Variants in TRMT44 observed in about 807,000 individuals in gnomAD.
TRMT44 encodes tRNA methyltransferase 44 homolog.
Under a neutral mutation model 77.3 loss-of-function variants are expected in TRMT44, and 78 were observed. The observed-to-expected ratio is 1.01, with a 90% CI of 0.84 to 1.22. TRMT44 has a LOEUF of 1.22. TRMT44 is among the 50% of genes most tolerant of loss of function. The pLI is 0.00. For missense variants in TRMT44, 1,090 were observed against 964.4 expected, an observed-to-expected ratio of 1.13 and a Z score of -1.73; for synonymous variants, 391 against 383.3, an observed-to-expected ratio of 1.02 and a Z score of -0.23.
At chr4:8,441,548 A>T (rs1004162775) in intron 1 of TRMT44, 107 bp downstream of exon 1, 3 of 1,325,194 alleles carry the variant, frequency 2.3e-6, no homozygotes, top group Non-Finnish European at 3.0e-6. Context: ...GCGATGTCCT[A>T]GGGAGGTTGT....
rs749970552 is a variant in TRMT44, at chr4:8,468,012, T to C, written c.1593T>C (p.Pro531=). Reference sequence around the variant, plus strand: ...ACATTAAGAGCAGGCGGGGCTGCCCTGTAAGCCCACCTGGCTGGGAGCTTT... The same window carrying C: ...ACATTAAGAGCAGGCGGGGCTGCCCCGTAAGCCCACCTGGCTGGGAGCTTT... ...TQYIKSRRGC[P]VSPPGWELSP... The change falls in exon 9 of 11, where the codon CCT becomes CCC. Residue 531 remains proline, a synonymous_variant. Transcript: ENST00000389737. The C allele has an allele frequency of 1.1e-5, 17 of 1,613,952 alleles. No homozygotes were observed. In the Admixed American group the frequency reaches 1.8e-4, roughly 17 times the overall value.
chr4:8,471,100 A>G lies in TRMT44; in HGVS notation c.1944A>G (p.Ala648=), dbSNP rs754425944. The G allele has an allele frequency of 1.9e-6, 3 of 1,598,696 alleles. No individual in the cohort carries two copies. In the South Asian group the frequency reaches 3.4e-5, roughly 18 times the overall value. ...TWNGGESLSL[A]EVANELDTET... ...TTTCCACAGAGAGCCTATCTCTGGC[A>G]GAAGTAGCCAACGAGCTGGACACGG... Residue 648 remains alanine, a synonymous_variant, in exon 10 of 11, where the codon GCA becomes GCG. Coordinates refer to ENST00000389737, the MANE Select transcript of TRMT44 (RefSeq NM_152544.3).
At chr4:8,478,506 C>T (rs1727501496), downstream of TRMT44, 1 of 152,574 alleles carries the variant, frequency 6.6e-6, no homozygotes, top group Non-Finnish European at 1.5e-5. Context: ...AGCACTGTGC[C>T]CCTGTCCACA....
At chr4:8,487,683 A>G (rs1727859076) in intron 2 of TRMT44, among the ~76,000 whole-genome samples, 1 of 151,976 alleles carries the variant, frequency 6.6e-6, no homozygotes, top group Non-Finnish European at 1.5e-5. Context: ...GGGACTTACC[A>G]CTAAGCGTGA....
chr4:8,456,793 T>C (rs1228520120), intron 6 of TRMT44, among the ~76,000 whole-genome samples: 1 of 152,144 alleles, frequency 6.6e-6, no homozygotes. Context: ...GATTTGATAG[T>C]TTTAGAAAGT....
chr4:8,463,906 C>T, intron 6 of TRMT44, 79 bp from the exon 7 acceptor site: 1 of 1,200,810 alleles, frequency 8.3e-7, no homozygotes, highest in South Asian at 1.3e-5. Context: ...AGAGCCTGTA[C>T]CCTCCCGCCA....
At chr4:8,468,507 T>G (rs1259274398) in intron 9 of TRMT44, 161 bp downstream of exon 9, 3 of 692,222 alleles carry the variant, frequency 4.3e-6, no homozygotes, top group Non-Finnish European at 7.2e-6. Flanking sequence ...GCAAATTCTT[T>G]AAAATTTTCC....
intron 2 of TRMT44, among the ~76,000 whole-genome samples, chr4:8,492,662 C>T (rs181220282): frequency 6.6e-6 from 1 of 152,202 alleles, no homozygotes; most frequent in South Asian, 2.1e-4. Context: ...AGCTACATAC[C>T]TCCCTCACAA....
chr4:8,485,332 C>T (rs1386173523), intron 2 of TRMT44, among the ~76,000 whole-genome samples: 1 of 152,166 alleles, frequency 6.6e-6, no homozygotes, highest in Non-Finnish European at 1.5e-5. Flanking sequence ...TTGGGCACCA[C>T]AGGGTGGATA....
chr4:8,444,034 AACTTG>A lies in TRMT44; in HGVS notation c.620-2437_620-2433del, dbSNP rs964647600. 6.6e-6 allele frequency among the ~76,000 whole-genome samples: 1 copy of A among 152,144 alleles called. No homozygotes were observed. The highest frequency in any genetic ancestry group is 1.5e-5 in the Non-Finnish European group (1 of 68,022). On this transcript the variant is annotated intron_variant, in intron 1 of 10. Transcript: ENST00000389737. This position sits in a 1 kb window ranked among gnomAD's most constrained non-coding sequence, Gnocchi z 4.0. The stretch of plus-strand genomic sequence containing the variant: ...GTGACAGGATGACATAGTGGTTAAG[AACTTG>A]ACTTCTTTAGTTAAAGAACAGAATT...
intron 3 of TRMT44, 58 bp downstream of exon 3, chr4:8,449,946 T>TTTA: frequency 9.8e-6 from 6 of 615,384 alleles, no homozygotes; most frequent in Non-Finnish European, 1.3e-5. Context: ...TTTCTTTTCT[T>TTTA]TTCTTTTTTT....
downstream of TRMT44, chr4:8,476,817 C>T (rs1035208618): frequency 1.3e-5 from 2 of 152,216 alleles, no homozygotes; most frequent in Non-Finnish European, 2.9e-5. Flanking sequence ...GATCATAGCT[C>T]ACTGCAGCTT....
chr4:8,497,109 G>A (rs1246318899), downstream of TRMT44, among the ~76,000 whole-genome samples: 1 of 151,510 alleles, frequency 6.6e-6, no homozygotes, highest in Non-Finnish European at 1.5e-5. Flanking sequence ...AAAAGCCAAG[G>A]CTAAAGGAAT....
At chr4:8,465,850 A>C (rs544687846) in intron 8 of TRMT44, among the ~76,000 whole-genome samples, 11 of 152,306 alleles carry the variant, frequency 7.2e-5, no homozygotes, top group Non-Finnish European at 1.2e-4. Context: ...TGCCCAGAGG[A>C]GGCCTCAGTG....
downstream of TRMT44, among the ~76,000 whole-genome samples, chr4:8,496,577 C>T (rs1254415360): frequency 6.6e-6 from 1 of 152,198 alleles, no homozygotes; most frequent in Non-Finnish European, 1.5e-5. Flanking sequence ...TAACCAGAGG[C>T]AGCTCCTCTA....
In TRMT44 at chr4:8,465,472, C is replaced by A. The variant is rs373816157; in HGVS notation, c.1405C>A (p.Arg469=). ...GAGGCAGAGTAAGAAGACTCAGTAC[C>A]GGGAATACCTTGACTTCATTAAAGA... ...SRRQSKKTQY[R]EYLDFIKEVG... The change falls in exon 8 of 11, where the codon CGG becomes AGG. Residue 469 remains arginine, a synonymous_variant. Transcript: ENST00000389737. 1.1e-5 allele frequency: 17 copies of A among 1,614,112 alleles called. No individual in the cohort carries two copies. Among genetic ancestry groups the A allele is most frequent in the Non-Finnish European group, 1.4e-5 (16 of 1,180,004 alleles).
intron 10 of TRMT44, among the ~76,000 whole-genome samples, chr4:8,475,103 G>A (rs1013252519): frequency 2.0e-5 from 3 of 152,166 alleles, no homozygotes; most frequent in African/African-American, 4.8e-5. Context: ...GAGGGGCTCC[G>A]GTTGGGAGGC....
At chr4:8,485,996 G>A (rs992433644) in intron 2 of TRMT44, among the ~76,000 whole-genome samples, 1 of 152,180 alleles carries the variant, frequency 6.6e-6, no homozygotes. Context: ...GCTTGGCGTT[G>A]GTGATGGTCC....
chr4:8,446,616 G>C lies in TRMT44; in HGVS notation c.734+26G>C. The C allele has an allele frequency of 6.9e-7, 1 of 1,454,320 alleles. No homozygotes were observed. Among genetic ancestry groups the C allele is most frequent in the Non-Finnish European group, 9.3e-7 (1 of 1,078,682 alleles). 90.1% of individuals were successfully genotyped at this position (1,454,320 alleles called of 1,614,324 possible). A position where few individuals can be genotyped will look rare whatever the true frequency, so the allele number is the denominator to read the frequency against. ...GTAAGAGCTGGACAGTGGACTCCTA[G>C]TTTTATGGTTTCCATTGAGGATTTC... On this transcript the variant is annotated intron_variant, in intron 2 of 10. Transcript: ENST00000389737. The surrounding 1 kb of genome is among the most constrained non-coding windows in gnomAD (Gnocchi z 4.3).
Sources: gnomAD v4.1 joint callset for allele counts (sites outside exome capture counted in the v4.1 genomes callset) on GRCh38, gnomAD v4.1.1 for gene constraint, Gnocchi (gnomAD v3.1) non-coding constraint, MANE v1.5 for transcripts, NCBI Gene and HGNC (gene_info 2026-07-23, HGNC 2026-07-21) for gene names.